The following CLNK variants were observed in gnomAD, a reference collection of about 807,000 sequenced individuals.
The protein encoded by CLNK is cytokine-dependent hematopoietic cell linker.
Under a neutral mutation model 68.6 loss-of-function variants are expected in CLNK, and 74 were observed. The observed-to-expected ratio is 1.08, with a 90% CI of 0.89 to 1.31. CLNK has a LOEUF of 1.31. Ranked by LOEUF, CLNK falls within the 50% of genes most tolerant of loss-of-function variation. The pLI is 0.00. For synonymous variants in CLNK, 198 were observed against 172.2 expected (o/e 1.15, Z -1.17); for missense variants, 553 against 515.3 (o/e 1.07, Z -0.71).
At chr4:10,507,389 G>A (rs1717348672) in intron 17 of CLNK, among the ~76,000 whole-genome samples, 1 of 151,996 alleles carries the variant, frequency 6.6e-6, no homozygotes, top group South Asian at 2.1e-4. Flanking sequence ...GGGATTACAG[G>A]CGTGAACTGC....
At chr4:10,501,974 T>G (rs1185936700) in intron 17 of CLNK, among the ~76,000 whole-genome samples, 1 of 152,194 alleles carries the variant, frequency 6.6e-6, no homozygotes. Flanking sequence ...CATTTCCTAC[T>G]GACCTGGGCA....
chr4:10,555,273 G>A (rs1469962162), intron 8 of CLNK, among the ~76,000 whole-genome samples: 1 of 151,784 alleles, frequency 6.6e-6, no homozygotes, highest in African/African-American at 2.4e-5. Flanking sequence ...TGGTATGCTT[G>A]TCACCTCAAA....
chr4:10,527,481 C>T (rs1366765508), intron 13 of CLNK, among the ~76,000 whole-genome samples: 1 of 152,336 alleles, frequency 6.6e-6, no homozygotes, highest in Non-Finnish European at 1.5e-5. Flanking sequence ...ACGATGCTGT[C>T]TTTTGTGAAC....
intron 11 of CLNK, among the ~76,000 whole-genome samples, chr4:10,536,465 T>A (rs905495724): frequency 2.6e-5 from 4 of 152,238 alleles, no homozygotes; most frequent in East Asian, 3.8e-4. Context: ...CAAAGCCATG[T>A]CATTTATCGT....
chr4:10,669,675 C>G (rs1255219839), intron 1 of CLNK, among the ~76,000 whole-genome samples: 3 of 152,200 alleles, frequency 2.0e-5, no homozygotes, highest in African/African-American at 4.8e-5. Context: ...TCAACCCATA[C>G]TCATAACCCA....
chr4:10,598,154 G>A, intron 2 of CLNK, 105 bp from the exon 3 acceptor site: 1 of 731,604 alleles, frequency 1.4e-6, no homozygotes, highest in Non-Finnish European at 2.3e-6. Flanking sequence ...TCAGATTTAA[G>A]TAATTATGTC....
the CLNK span, among the ~76,000 whole-genome samples, chr4:10,706,889 G>C: frequency 1.1e-4 from 17 of 152,218 alleles, no homozygotes; most frequent in South Asian, 3.5e-3. Context: ...TAAATTTCTG[G>C]CCGTGATGGG....
chr4:10,577,668 AG>A (rs1720619674), intron 4 of CLNK, among the ~76,000 whole-genome samples: 1 of 151,966 alleles, frequency 6.6e-6, no homozygotes, highest in Non-Finnish European at 1.5e-5. Context: ...TGTAAGATTA[AG>A]GCCAGTACAA....
intron 18 of CLNK, 137 bp downstream of exon 18, chr4:10,501,119 G>T: frequency 1.2e-6 from 1 of 825,164 alleles, no homozygotes; most frequent in Non-Finnish European, 1.8e-6. Flanking sequence ...GCAGATATTT[G>T]TGGAAGGGGT....
At chr4:10,602,217 T>C (rs1223690315) in intron 2 of CLNK, among the ~76,000 whole-genome samples, 21 of 152,218 alleles carry the variant, frequency 1.4e-4, no homozygotes, top group Admixed American at 1.4e-3. Flanking sequence ...CCTGTGAAAA[T>C]GTCTTCTGCA....
At chr4:10,665,728 G>A (rs1405824451) in intron 2 of CLNK, among the ~76,000 whole-genome samples, 2 of 149,162 alleles carry the variant, frequency 1.3e-5, no homozygotes, top group Non-Finnish European at 3.0e-5. Context: ...CAGCTGCAAA[G>A]CCAAGCAGAT....
In CLNK at chr4:10,588,299, T is replaced by C. The variant is rs1292201071; in HGVS notation, c.84-3344A>G. 3.3e-5 allele frequency among the ~76,000 whole-genome samples: 5 copies of C among 152,210 alleles called. No individual in the cohort carries two copies. In the East Asian group the frequency reaches 9.6e-4, roughly 29 times the overall value. ...TAGGGTTCTTGTTATCTTCTAACCCTGACCTTATCTGGATTTTAGCCTGAC... is the reference window on the plus strand; with the variant it reads ...TAGGGTTCTTGTTATCTTCTAACCCCGACCTTATCTGGATTTTAGCCTGAC... On this transcript the variant is annotated intron_variant, in intron 3 of 18. Coordinates refer to ENST00000226951, the MANE Select transcript of CLNK (RefSeq NM_052964.4).
In CLNK at chr4:10,639,311, C is replaced by T. The variant is rs183132500; in HGVS notation, c.11+28548G>A. Among the ~76,000 whole-genome samples the T allele has an allele frequency of 4.6e-3, 708 of 152,342 alleles. 6 individuals carry two copies. Among genetic ancestry groups the T allele is most frequent in the African/African-American group, 0.016 (666 of 41,578 alleles). On this transcript the variant is annotated intron_variant, in intron 2 of 18. Transcript: ENST00000226951. ...TTTAGACAGGATGCCTCAGCACTGACACAATGAATAATGCTTTGTCAGTGG... is the reference window on the plus strand; with the variant it reads ...TTTAGACAGGATGCCTCAGCACTGATACAATGAATAATGCTTTGTCAGTGG...
Position 10,490,304 on chromosome 4 carries a change from T to A in CLNK, c.*163A>T. 1 of 573,588 alleles carries A rather than the reference T, an allele frequency of 1.7e-6. No individual in the cohort carries two copies. 35.5% of individuals were successfully genotyped at this position (573,588 alleles called of 1,614,324 possible). A position where few individuals can be genotyped will look rare whatever the true frequency, so the allele number is the denominator to read the frequency against. ...TAAATATTTTCTCTGTGGTTTGAAC[T>A]TTCAAAACCGTGAGTGATTTTCCAC... On this transcript the variant is annotated 3_prime_UTR_variant, in exon 19 of 19. Transcript: ENST00000226951.
chr4:10,630,309 C>T (rs893570451), intron 2 of CLNK, among the ~76,000 whole-genome samples: 1 of 152,228 alleles, frequency 6.6e-6, no homozygotes, highest in Non-Finnish European at 1.5e-5. Context: ...CCATTGGACT[C>T]TGTGACCATT....
At chr4:10,733,304 G>A in the CLNK span, among the ~76,000 whole-genome samples, 4 of 151,870 alleles carry the variant, frequency 2.6e-5, no homozygotes, top group South Asian at 2.1e-4. Flanking sequence ...CCACCACCCC[G>A]GACATTCATG....
chr4:10,502,240 A>G (rs1717084564), intron 17 of CLNK, among the ~76,000 whole-genome samples: 1 of 152,216 alleles, frequency 6.6e-6, no homozygotes, highest in South Asian at 2.1e-4. Flanking sequence ...AAGCCTCAGG[A>G]AACTTATAAT....
chr4:10,593,287 G>A (rs1295363388), intron 3 of CLNK, among the ~76,000 whole-genome samples: 1 of 152,058 alleles, frequency 6.6e-6, no homozygotes. Flanking sequence ...AGCGGGCAGC[G>A]GTTATGGCCA....
chr4:10,698,906 C>T, the CLNK span, among the ~76,000 whole-genome samples: 1 of 152,142 alleles, frequency 6.6e-6, no homozygotes, highest in Non-Finnish European at 1.5e-5. Context: ...AACAAGATGG[C>T]TGAGTAGGAG....
Sources: gnomAD v4.1 joint callset for allele counts (sites outside exome capture counted in the v4.1 genomes callset) on GRCh38, gnomAD v4.1.1 for gene constraint, MANE v1.5 for transcripts, NCBI Gene and HGNC (gene_info 2026-07-23, HGNC 2026-07-21) for gene names.